NAF1: variants seen among roughly 807,000 people sequenced by gnomAD.
NAF1 encodes the protein H/ACA ribonucleoprotein complex non-core subunit NAF1.
Under a neutral mutation model 40.6 loss-of-function variants are expected in NAF1, and 11 were observed. That is an observed-to-expected ratio of 0.27 (90% CI 0.17 to 0.45). The LOEUF is 0.45. Ranked by LOEUF, NAF1 falls within the 20% of genes least tolerant of loss-of-function variation. The pLI is 1.00. For synonymous variants in NAF1, 260 were observed against 228.5 expected (o/e 1.14, Z -1.24); for missense variants, 607 against 611.1 (o/e 0.99, Z 0.07).
At chr4:163,151,847 A>T (rs1731721276) in intron 2 of NAF1, among the ~76,000 whole-genome samples, 1 of 152,196 alleles carries the variant, frequency 6.6e-6, no homozygotes, top group Non-Finnish European at 1.5e-5. Context: ...GCTTAGGCTT[A>T]TTCCAAGCTA....
intron 3 of NAF1, among the ~76,000 whole-genome samples, chr4:163,147,434 C>A (rs1285924765): frequency 1.3e-5 from 2 of 152,204 alleles, no homozygotes; most frequent in African/African-American, 4.8e-5. Context: ...TCCAGCATAT[C>A]CTACTACGAG....
At chr4:163,157,969 A>G (rs768819879) in intron 2 of NAF1, among the ~76,000 whole-genome samples, 3 of 152,158 alleles carry the variant, frequency 2.0e-5, no homozygotes, top group Non-Finnish European at 4.4e-5. Flanking sequence ...CTTATTGAGC[A>G]AAAAAGAGTA....
In NAF1 at chr4:163,158,573, T is replaced by A. The variant is rs116306116; in HGVS notation, c.540+5644A>T. ...AATGAGGGTCAACATTTCTTTGAAGTGTCTTGATATTTTTCTTTTTTAAAT... is the reference window on the plus strand; with the variant it reads ...AATGAGGGTCAACATTTCTTTGAAGAGTCTTGATATTTTTCTTTTTTAAAT... On this transcript the variant is annotated intron_variant, in intron 2 of 7. Coordinates refer to ENST00000274054, the MANE Select transcript of NAF1 (RefSeq NM_138386.3). 3.8e-3 allele frequency among the ~76,000 whole-genome samples: 574 copies of A among 152,186 alleles called. 5 individuals are homozygous for A. Among genetic ancestry groups the A allele is most frequent in the African/African-American group, 0.013 (548 of 41,560 alleles).
chr4:163,146,083 A>G (rs958315317), intron 3 of NAF1, among the ~76,000 whole-genome samples: 1 of 152,206 alleles, frequency 6.6e-6, no homozygotes, highest in Non-Finnish European at 1.5e-5. Context: ...CTATAATTCT[A>G]AGGGAAAAAA....
chr4:163,134,067 TTAAC>T (rs1438948407), intron 6 of NAF1, among the ~76,000 whole-genome samples: 1 of 152,196 alleles, frequency 6.6e-6, no homozygotes, highest in Admixed American at 6.5e-5. Flanking sequence ...AAAACTCACA[TTAAC>T]TAATTATTAG....
rs143857902 is a variant in NAF1 at position 163,145,395 on chromosome 4, T to C, written c.717+387A>G. On this transcript the variant is annotated intron_variant, in intron 4 of 7. Transcript: ENST00000274054. ...AAAGTCTGAAAAGTCTGAGAGCCAC[T>C]ATTCAAAGGAGCTCACAAAACAAAA... Among the ~76,000 whole-genome samples, 196 of 152,316 alleles carry C rather than the reference T, an allele frequency of 1.3e-3. 1 individual carries two copies. The highest frequency in any genetic ancestry group is 0.01 in the Middle Eastern group (3 of 294).
chr4:163,131,432 G>T (rs186018140), intron 7 of NAF1, among the ~76,000 whole-genome samples: 46 of 152,146 alleles, frequency 3.0e-4, no homozygotes, highest in Admixed American at 1.8e-3. Flanking sequence ...AAAAACCTCA[G>T]CAAGACATTT....
In NAF1 at chr4:163,128,942, T is replaced by C. The variant is rs775476489; in HGVS notation, c.1440A>G (p.Pro480=). ...PPPPPPPLPP[P]PSSGDSNSHF... ...GAGAATTACTATCTCCAGAAGAGGG[T>C]GGAGGAGGCAGTGGTGGAGGGGGAG... Residue 480 remains proline (P), a synonymous_variant, in exon 8 of 8, where the codon CCA becomes CCG. Transcript: ENST00000274054. 9.1e-7 allele frequency: 1 copy of C among 1,095,088 alleles called. No homozygotes were observed. Among genetic ancestry groups the C allele is most frequent in the Non-Finnish European group, 1.2e-6 (1 of 805,092 alleles). The allele number at this position is 1,095,088 out of a possible 1,614,324, so 67.8% of individuals were successfully genotyped here.
chr4:163,144,003 G>A (rs769634083), intron 4 of NAF1: 1 of 974,062 alleles, frequency 1.0e-6, no homozygotes, highest in Non-Finnish European at 1.2e-6. Context: ...AACTGAGGGG[G>A]TGGGGAACAA....
At chr4:163,161,995 A>G (rs930884181) in intron 2 of NAF1, among the ~76,000 whole-genome samples, 4 of 150,444 alleles carry the variant, frequency 2.7e-5, no homozygotes, top group African/African-American at 9.8e-5. Flanking sequence ...TGCTCTCCTC[A>G]CTCTCTCCTA....
At chr4:163,143,725 C>T (rs1338673435) in intron 4 of NAF1, among the ~76,000 whole-genome samples, 1 of 152,156 alleles carries the variant, frequency 6.6e-6, no homozygotes, top group African/African-American at 2.4e-5. Flanking sequence ...TGCATGCTGC[C>T]ACCTGGGAAC....
intron 2 of NAF1, among the ~76,000 whole-genome samples, chr4:163,149,454 G>A (rs1275292783): frequency 6.6e-6 from 1 of 152,148 alleles, no homozygotes; most frequent in Non-Finnish European, 1.5e-5. Context: ...CATTCAACCA[G>A]AGTTGATAAG....
In NAF1 at chr4:163,133,105, T is replaced by C. The variant is rs368164722; in HGVS notation, c.1033+49A>G. ...CAGTTTTATTATTGATAAACTTATA[T>C]AGATGTAAATGAAGATAAAGAACGA... On this transcript the variant is annotated intron_variant, in intron 7 of 7. Transcript: ENST00000274054. The C allele has an allele frequency of 9.2e-6, 13 of 1,419,092 alleles. No individual in the cohort carries two copies. The South Asian group carries it at 9.4e-5, about 10-fold the overall frequency. 87.9% of individuals were successfully genotyped at this position (1,419,092 alleles called of 1,614,324 possible). A position where few individuals can be genotyped will look rare whatever the true frequency, so the allele number is the denominator to read the frequency against.
chr4:163,165,099 T>C (rs1331736410), intron 1 of NAF1, among the ~76,000 whole-genome samples: 1 of 152,222 alleles, frequency 6.6e-6, no homozygotes, highest in Admixed American at 6.5e-5. Context: ...GCCTAAATCT[T>C]CAGCTATGAC....
chr4:163,114,806 A>C (rs1055703895), intron 2 of NAF1, among the ~76,000 whole-genome samples: 2 of 152,164 alleles, frequency 1.3e-5, no homozygotes, highest in Admixed American at 6.5e-5. Context: ...TTTTGTCCTA[A>C]AATATTTAGT....
intron 4 of NAF1, among the ~76,000 whole-genome samples, chr4:163,142,717 A>G (rs1010350004): frequency 2.6e-5 from 4 of 152,238 alleles, no homozygotes; most frequent in African/African-American, 7.2e-5. Context: ...AACTTGACCA[A>G]GTTCACATAA....
intron 2 of NAF1, among the ~76,000 whole-genome samples, chr4:163,162,270 C>T (rs1279438737): frequency 2.6e-5 from 4 of 152,172 alleles, no homozygotes; most frequent in Non-Finnish European, 5.9e-5. Context: ...CATTCTTTTC[C>T]CCCAAACTTA....
intron 4 of NAF1, chr4:163,141,938 G>A: frequency 7.1e-6 from 7 of 981,102 alleles, no homozygotes; most frequent in Non-Finnish European, 8.5e-6. Context: ...CACCTATCAG[G>A]GCACCACCAT....
At chr4:163,117,255 C>A (rs1245775654) in intron 2 of NAF1, among the ~76,000 whole-genome samples, 25 of 152,142 alleles carry the variant, frequency 1.6e-4, no homozygotes, top group Non-Finnish European at 1.5e-5. Flanking sequence ...ATGTTCCCAC[C>A]ATACCTTGTA....
Sources: allele counts gnomAD v4.1 joint callset (sites outside exome capture counted in the v4.1 genomes callset), GRCh38; gene constraint gnomAD v4.1.1; transcripts MANE v1.5; gene names NCBI Gene and HGNC (gene_info 2026-07-23, HGNC 2026-07-21).